The following EGFLAM variants were observed in gnomAD, a reference collection of about 807,000 sequenced individuals.
EGFLAM encodes the protein pikachurin.
A neutral mutation model predicts 113.1 loss-of-function variants in EGFLAM; 79 were observed. That is an observed-to-expected ratio of 0.70 (90% CI 0.58 to 0.84). The LOEUF (loss-of-function observed/expected upper bound fraction) is 0.84. Ranked by LOEUF, EGFLAM falls within the 40% of genes least tolerant of loss-of-function variation. EGFLAM has a pLI of 0.00. For missense variants in EGFLAM, 1,265 were observed against 1,291.6 expected, an observed-to-expected ratio of 0.98 and a Z score of 0.32; for synonymous variants, 504 against 487.6, an observed-to-expected ratio of 1.03 and a Z score of -0.44.
At chr5:38,440,236 A>G (rs1348485988) in intron 17 of EGFLAM, among the ~76,000 whole-genome samples, 1 of 152,220 alleles carries the variant, frequency 6.6e-6, no homozygotes, top group Non-Finnish European at 1.5e-5. Context: ...ATGAGCCAGC[A>G]GCCACCCTCC....
At chr5:38,275,236 C>T (rs923896341) in intron 1 of EGFLAM, among the ~76,000 whole-genome samples, 4 of 152,112 alleles carry the variant, frequency 2.6e-5, no homozygotes, top group African/African-American at 9.7e-5. Flanking sequence ...TCAATAATTA[C>T]TTTGAATATA....
chr5:38,274,229 G>A (rs1199279403), intron 1 of EGFLAM, among the ~76,000 whole-genome samples: 2 of 152,154 alleles, frequency 1.3e-5, no homozygotes, highest in African/African-American at 4.8e-5. Flanking sequence ...GCAAATGTTT[G>A]AGTCATTGGC....
At chr5:38,261,730 A>T (rs1757505310) in intron 1 of EGFLAM, among the ~76,000 whole-genome samples, 2 of 152,202 alleles carry the variant, frequency 1.3e-5, no homozygotes, top group South Asian at 4.1e-4. Flanking sequence ...GGATCTGCCC[A>T]TGCCTGCTAA....
chr5:38,260,146 T>C (rs907741855), intron 1 of EGFLAM, among the ~76,000 whole-genome samples: 1 of 152,218 alleles, frequency 6.6e-6, no homozygotes, highest in Non-Finnish European at 1.5e-5. Flanking sequence ...TCACATTAAA[T>C]TGTTTCTCTT....
intron 6 of EGFLAM, among the ~76,000 whole-genome samples, chr5:38,371,285 C>T (rs1215610883): frequency 1.3e-5 from 2 of 152,150 alleles, no homozygotes; most frequent in South Asian, 2.1e-4. Context: ...CGGTAGAGCC[C>T]GGCTGCTCCT....
intron 6 of EGFLAM, among the ~76,000 whole-genome samples, chr5:38,378,343 C>G (rs1740418568): frequency 6.6e-6 from 1 of 152,110 alleles, no homozygotes; most frequent in African/African-American, 2.4e-5. Context: ...TTTTCATTGC[C>G]CATCTGCCTG....
intron 1 of EGFLAM, among the ~76,000 whole-genome samples, chr5:38,307,089 T>TGTGG (rs1279864594): frequency 6.6e-6 from 1 of 152,208 alleles, no homozygotes; most frequent in African/African-American, 2.4e-5. Context: ...ACTGATGCTG[T>TGTGG]GTGGAGCTGA....
chr5:38,260,938 A>T (rs1032770436), intron 1 of EGFLAM, among the ~76,000 whole-genome samples: 1 of 152,326 alleles, frequency 6.6e-6, no homozygotes, highest in East Asian at 1.9e-4. Context: ...GCTAGTATCC[A>T]TATGGGAGTT....
At chr5:38,269,993 C>T (rs956072594) in intron 1 of EGFLAM, among the ~76,000 whole-genome samples, 7 of 152,188 alleles carry the variant, frequency 4.6e-5, no homozygotes, top group African/African-American at 1.4e-4. Flanking sequence ...ATGATCATTG[C>T]TATGTGCTTG....
intron 2 of EGFLAM, 78 bp from the exon 3 acceptor site, chr5:38,338,620 A>G (rs1002503965): frequency 1.5e-6 from 2 of 1,352,346 alleles, no homozygotes; most frequent in South Asian, 1.2e-5. Context: ...GCCTGCTGCC[A>G]CTGTGAGTGC....
intron 1 of EGFLAM, among the ~76,000 whole-genome samples, chr5:38,264,474 T>A (rs556388788): frequency 6.6e-6 from 1 of 152,268 alleles, no homozygotes; most frequent in Admixed American, 6.5e-5. Flanking sequence ...TCTTGTTGGT[T>A]GCTGGTAGAG....
intron 5 of EGFLAM, among the ~76,000 whole-genome samples, chr5:38,361,185 T>C (rs1351164742): frequency 6.6e-6 from 1 of 152,088 alleles, no homozygotes; most frequent in Non-Finnish European, 1.5e-5. Context: ...GTCTTTATGC[T>C]TGCTATCCTG....
chr5:38,426,734 A>G (rs1370962147), intron 13 of EGFLAM, among the ~76,000 whole-genome samples: 1 of 152,184 alleles, frequency 6.6e-6, no homozygotes, highest in Admixed American at 6.5e-5. Context: ...AGGGCCTTAG[A>G]GTCCTCCACT....
chr5:38,282,514 A>C (rs951154516), intron 1 of EGFLAM: 2 of 152,136 alleles, frequency 1.3e-5, no homozygotes, highest in African/African-American at 2.4e-5. Flanking sequence ...GGTAGGTGTT[A>C]ATTCCCTGGC....
At chr5:38,454,802 G>T (rs1039245550) in intron 19 of EGFLAM, among the ~76,000 whole-genome samples, 3 of 152,240 alleles carry the variant, frequency 2.0e-5, no homozygotes, top group African/African-American at 4.8e-5. Context: ...TTACCTAAAA[G>T]CTGGTTCTTT....
At chr5:38,360,031 T>C (rs1739878477) in intron 5 of EGFLAM, among the ~76,000 whole-genome samples, 1 of 152,216 alleles carries the variant, frequency 6.6e-6, no homozygotes, top group South Asian at 2.1e-4. Context: ...AATTGATATT[T>C]TTGTCAAAAG....
At chr5:38,366,804 A>G (rs1282747512) in intron 5 of EGFLAM, among the ~76,000 whole-genome samples, 1 of 152,202 alleles carries the variant, frequency 6.6e-6, no homozygotes, top group African/African-American at 2.4e-5. Flanking sequence ...AAATGTGTTC[A>G]TGTATAAAAT....
At chr5:38,269,847 C>G (rs1040173980) in intron 1 of EGFLAM, among the ~76,000 whole-genome samples, 1 of 152,170 alleles carries the variant, frequency 6.6e-6, no homozygotes, top group Non-Finnish European at 1.5e-5. Context: ...CTTTGCAATC[C>G]TTGCCCTACC....
At chr5:38,403,980 A>G in intron 6 of EGFLAM, 1 of 1,608,460 alleles carries the variant, frequency 6.2e-7, no homozygotes, top group Non-Finnish European at 8.5e-7. Flanking sequence ...AAGGGATGAG[A>G]ACACCGCCTC....
Sources: allele counts gnomAD v4.1 joint callset (sites outside exome capture counted in the v4.1 genomes callset), GRCh38; gene constraint gnomAD v4.1.1; transcripts MANE v1.5; gene names NCBI Gene and HGNC (gene_info 2026-07-23, HGNC 2026-07-21).